BBS9: variants seen among roughly 807,000 people sequenced by gnomAD.
BBS9 encodes protein PTHB1.
A neutral mutation model predicts 117.7 loss-of-function variants in BBS9; 89 were observed. That is an observed-to-expected ratio of 0.76 (90% CI 0.64 to 0.90). The LOEUF (loss-of-function observed/expected upper bound fraction) is 0.90, where lower values mean the gene tolerates loss of function less well. Among genes scored for constraint, BBS9 ranks in the 40% least tolerant of loss-of-function variants. BBS9 has a pLI of 0.00. For synonymous variants in BBS9, 379 were observed against 370.9 expected (o/e 1.02, Z -0.25); for missense variants, 982 against 1,042.2 (o/e 0.94, Z 0.80).
intron 19 of BBS9, among the ~76,000 whole-genome samples, chr7:33,481,821 A>T (rs1563235469): frequency 6.6e-6 from 1 of 152,322 alleles, no homozygotes; most frequent in East Asian, 1.9e-4. Context: ...TTAAGGGCAG[A>T]ATTGAAAGGA....
chr7:33,611,081 T>A (rs1056556515), intron 21 of BBS9, among the ~76,000 whole-genome samples: 1 of 152,058 alleles, frequency 6.6e-6, no homozygotes, highest in Non-Finnish European at 1.5e-5. Flanking sequence ...CTTCATTGGC[T>A]CCAGGATCAT....
chr7:33,434,809 A>G (rs1238633589), intron 19 of BBS9, among the ~76,000 whole-genome samples: 1 of 152,186 alleles, frequency 6.6e-6, no homozygotes, highest in African/African-American at 2.4e-5. Context: ...TGCATCTTGA[A>G]GAATGGAGTC....
chr7:33,570,739 G>A (rs1336821898), intron 21 of BBS9, among the ~76,000 whole-genome samples: 1 of 152,352 alleles, frequency 6.6e-6, no homozygotes, highest in East Asian at 1.9e-4. Flanking sequence ...TATCACACAT[G>A]TGATGCACTG....
At chr7:33,332,029 A>G (rs966287683) in intron 9 of BBS9, among the ~76,000 whole-genome samples, 3 of 152,084 alleles carry the variant, frequency 2.0e-5, no homozygotes, top group Non-Finnish European at 4.4e-5. Flanking sequence ...ATCTAGAGGC[A>G]TCACATTACC....
Position 33,605,748 on chromosome 7 carries a change from G to C in BBS9, c.*522G>C, listed in dbSNP as rs1237183679. ...CTACTCTCTGGTAAGACTTGAATGTGATTATTTTATAAATAAAAGAACCAC... is the reference window on the plus strand; with the variant it reads ...CTACTCTCTGGTAAGACTTGAATGTCATTATTTTATAAATAAAAGAACCAC... On this transcript the variant is annotated 3_prime_UTR_variant, in exon 23 of 23. Transcript: ENST00000242067. 3.8e-5 allele frequency: 6 copies of C among 158,318 alleles called. No individual in the cohort carries two copies. The highest frequency in any genetic ancestry group is 1.8e-4 in the Admixed American group (3 of 16,678). The allele number at this position is 158,318 out of a possible 1,614,324, so 9.8% of individuals were successfully genotyped here. A position where few individuals can be genotyped will look rare whatever the true frequency, so the allele number is the denominator to read the frequency against.
At chr7:33,603,082 A>G (rs1359833477) in intron 21 of BBS9, among the ~76,000 whole-genome samples, 3 of 152,130 alleles carry the variant, frequency 2.0e-5, no homozygotes, top group Non-Finnish European at 2.9e-5. Context: ...CCCCAAGCAC[A>G]TGGCAGCTGT....
intron 21 of BBS9, among the ~76,000 whole-genome samples, chr7:33,624,429 A>G (rs1325830718): frequency 6.6e-6 from 1 of 152,154 alleles, no homozygotes; most frequent in Non-Finnish European, 1.5e-5. Context: ...TTCTGAGCTA[A>G]CAATCCCATC....
At chr7:33,157,078 G>A (rs1794199916) in intron 4 of BBS9, among the ~76,000 whole-genome samples, 1 of 152,122 alleles carries the variant, frequency 6.6e-6, no homozygotes, top group African/African-American at 2.4e-5. Context: ...AGTTCCTTCT[G>A]AAGCTCCATG....
intron 1 of BBS9, among the ~76,000 whole-genome samples, chr7:33,133,985 C>T (rs1414149138): frequency 1.3e-5 from 2 of 152,182 alleles, no homozygotes; most frequent in Non-Finnish European, 2.9e-5. Context: ...GACTTCGATT[C>T]TGTCATAGTA....
intron 21 of BBS9, among the ~76,000 whole-genome samples, chr7:33,564,247 A>G (rs113844321): frequency 1.3e-5 from 2 of 152,174 alleles, no homozygotes; most frequent in African/African-American, 4.8e-5. Context: ...CCTCATCACC[A>G]TAGTTGTAAC....
At chr7:33,492,813 T>A (rs375493523) in intron 19 of BBS9, among the ~76,000 whole-genome samples, 475 of 33,408 alleles carry the variant, frequency 0.014, 2 homozygotes, top group African/African-American at 0.044. Flanking sequence ...TAGGAGTGAG[T>A]GTGTGTGTGT....
intron 4 of BBS9, among the ~76,000 whole-genome samples, chr7:33,167,618 C>A (rs1167113894): frequency 6.6e-6 from 1 of 152,058 alleles, no homozygotes; most frequent in Non-Finnish European, 1.5e-5. Context: ...CCAGGCTGTT[C>A]TTGAACTCCT....
chr7:33,159,844 A>G (rs949119385), intron 4 of BBS9, among the ~76,000 whole-genome samples: 1 of 152,212 alleles, frequency 6.6e-6, no homozygotes, highest in South Asian at 2.1e-4. Flanking sequence ...TTTGACTATC[A>G]GGAGGATAAT....
At chr7:33,510,552 T>C (rs1402749421) in intron 20 of BBS9, among the ~76,000 whole-genome samples, 1 of 152,136 alleles carries the variant, frequency 6.6e-6, no homozygotes, top group Non-Finnish European at 1.5e-5. Flanking sequence ...GGCAGTGTTC[T>C]AGGCACATAG....
chr7:33,583,415 T>C (rs1860342681), intron 21 of BBS9, among the ~76,000 whole-genome samples: 1 of 152,112 alleles, frequency 6.6e-6, no homozygotes, highest in African/African-American at 2.4e-5. Flanking sequence ...CCCTTGATTC[T>C]CTTTATATAT....
At chr7:33,524,363 T>C (rs1849134635) in intron 20 of BBS9, among the ~76,000 whole-genome samples, 1 of 152,354 alleles carries the variant, frequency 6.6e-6, no homozygotes, top group East Asian at 1.9e-4. Flanking sequence ...TATTCGGCTG[T>C]GAATCCATCT....
At chr7:33,594,069 T>C (rs1862340154) in intron 21 of BBS9, among the ~76,000 whole-genome samples, 1 of 152,140 alleles carries the variant, frequency 6.6e-6, no homozygotes, top group African/African-American at 2.4e-5. Flanking sequence ...CCCTGCTCTC[T>C]TAAATCCCGA....
chr7:33,222,812 G>T (rs1790505147), intron 5 of BBS9, among the ~76,000 whole-genome samples: 1 of 151,908 alleles, frequency 6.6e-6, no homozygotes, highest in Non-Finnish European at 1.5e-5. Flanking sequence ...TATTAGCAGG[G>T]CGTAGTGGTG....
intron 19 of BBS9, among the ~76,000 whole-genome samples, chr7:33,446,209 A>T (rs1836971120): frequency 6.6e-6 from 1 of 152,150 alleles, no homozygotes; most frequent in Non-Finnish European, 1.5e-5. Context: ...AACACTTTAC[A>T]GGTGAGTAAA....
Sources: gnomAD v4.1 joint callset for allele counts (sites outside exome capture counted in the v4.1 genomes callset) on GRCh38, gnomAD v4.1.1 for gene constraint, MANE v1.5 for transcripts, NCBI Gene and HGNC (gene_info 2026-07-23, HGNC 2026-07-21) for gene names.